Variants in OPCML observed in about 807,000 individuals in gnomAD.
The protein encoded by OPCML is opioid-binding protein/cell adhesion molecule.
Under a neutral mutation model 37.8 loss-of-function variants are expected in OPCML, and 13 were observed. That is an observed-to-expected ratio of 0.34 (90% CI 0.22 to 0.55). The LOEUF is 0.55. Ranked by LOEUF, OPCML falls within the 20% of genes least tolerant of loss-of-function variation. OPCML has a pLI of 0.91. For synonymous variants in OPCML, 176 were observed against 168.8 expected, an observed-to-expected ratio of 1.04 and a Z score of -0.33; for missense variants, 341 against 435.6, an observed-to-expected ratio of 0.78 and a Z score of 1.93.
intron 2 of OPCML, among the ~76,000 whole-genome samples, chr11:132,671,552 A>G (rs1942477004): frequency 6.6e-6 from 1 of 152,164 alleles, no homozygotes; most frequent in African/African-American, 2.4e-5. Flanking sequence ...CGAGGCAACC[A>G]AAATAACAGG....
At chr11:132,832,540 T>A (rs1192980838) in intron 2 of OPCML, among the ~76,000 whole-genome samples, 3 of 152,212 alleles carry the variant, frequency 2.0e-5, no homozygotes, top group Non-Finnish European at 4.4e-5. Flanking sequence ...TTAATCAGAT[T>A]TTCCAAAAAA....
intron 1 of OPCML, among the ~76,000 whole-genome samples, chr11:133,357,383 C>T (rs576239345): frequency 4.2e-4 from 64 of 152,292 alleles, no homozygotes; most frequent in Admixed American, 9.2e-4. Context: ...GTGGAACGTA[C>T]ATGGCACTAT....
intron 1 of OPCML, among the ~76,000 whole-genome samples, chr11:133,326,668 GGTGGGGGTGGGGGTGT>G (rs1943468306): frequency 7.5e-6 from 1 of 133,448 alleles, no homozygotes; most frequent in Non-Finnish European, 1.6e-5. Flanking sequence ...TATGTGTGTG[GGTGGGGGTGGGGGTGT>G]GAGTATGGGT....
At chr11:133,287,282 T>TTTC (rs1942327908) in intron 1 of OPCML, among the ~76,000 whole-genome samples, 2 of 147,864 alleles carry the variant, frequency 1.4e-5, no homozygotes, top group African/African-American at 4.9e-5. Flanking sequence ...TTTCTTTTTT[T>TTTC]TTTTTTTTTT....
chr11:132,442,941 C>T (rs1419004782), intron 4 of OPCML, among the ~76,000 whole-genome samples: 1 of 152,188 alleles, frequency 6.6e-6, no homozygotes, highest in Non-Finnish European at 1.5e-5. Flanking sequence ...TGACCTGTCC[C>T]TTTGTTGGTC....
At chr11:133,287,099 T>C (rs1942319856) in intron 1 of OPCML, among the ~76,000 whole-genome samples, 1 of 152,128 alleles carries the variant, frequency 6.6e-6, no homozygotes, top group Admixed American at 6.5e-5. Flanking sequence ...ACCAGAGCTT[T>C]TCTGCAGAAA....
intron 1 of OPCML, among the ~76,000 whole-genome samples, chr11:132,963,319 C>T (rs748178103): frequency 3.3e-5 from 5 of 151,938 alleles, no homozygotes; most frequent in Admixed American, 6.6e-5. Context: ...GGGCTGGGCA[C>T]GGTGGCTCAC....
chr11:132,532,977 G>T (rs2096330179), intron 3 of OPCML, among the ~76,000 whole-genome samples: 1 of 152,170 alleles, frequency 6.6e-6, no homozygotes, highest in African/African-American at 2.4e-5. Context: ...TATTTTGGCA[G>T]ATCTTTGTTT....
intron 2 of OPCML, among the ~76,000 whole-genome samples, chr11:132,764,753 C>T (rs557228055): frequency 6.6e-5 from 10 of 152,332 alleles, no homozygotes; most frequent in African/African-American, 2.2e-4. Context: ...CTCTCATTCA[C>T]TCCTCTCCAA....
intron 1 of OPCML, among the ~76,000 whole-genome samples, chr11:133,487,622 C>T (rs191468603): frequency 6.6e-6 from 1 of 152,238 alleles, no homozygotes; most frequent in African/African-American, 2.4e-5. Flanking sequence ...CACCACTCTG[C>T]ACAATGTTTA....
intron 1 of OPCML, among the ~76,000 whole-genome samples, chr11:133,499,286 G>A (rs1431654155): frequency 6.6e-6 from 1 of 152,192 alleles, no homozygotes; most frequent in Non-Finnish European, 1.5e-5. Flanking sequence ...GGGCATGAAA[G>A]CAAGTTTCCT....
At chr11:133,440,730 GA>G (rs35655846) in intron 1 of OPCML, among the ~76,000 whole-genome samples, 33,525 of 110,262 alleles carry the variant, frequency 0.3, 5,902 homozygotes, top group African/African-American at 0.55. Context: ...CCCTCTCAGG[GA>G]AAAAAAAAAA....
At chr11:133,394,672 G>A (rs374209412) in intron 1 of OPCML, among the ~76,000 whole-genome samples, 13 of 152,100 alleles carry the variant, frequency 8.5e-5, no homozygotes, top group East Asian at 3.9e-4. Flanking sequence ...GTCTTTCTGC[G>A]CCTGGCTTGT....
intron 3 of OPCML, among the ~76,000 whole-genome samples, chr11:132,562,795 A>G (rs1386044575): frequency 1.3e-5 from 2 of 152,104 alleles, no homozygotes; most frequent in Non-Finnish European, 2.9e-5. Context: ...CATAGGGCTA[A>G]TAACTTGACT....
chr11:132,540,530 A>G (rs1160865810), intron 3 of OPCML, among the ~76,000 whole-genome samples: 1 of 152,132 alleles, frequency 6.6e-6, no homozygotes, highest in Non-Finnish European at 1.5e-5. Flanking sequence ...ATTTGGTCTT[A>G]TATACTCTGA....
At chr11:132,600,819 C>T (rs1162766828) in intron 3 of OPCML, among the ~76,000 whole-genome samples, 1 of 139,442 alleles carries the variant, frequency 7.2e-6, no homozygotes, top group South Asian at 2.4e-4. Context: ...TAGTAAATAT[C>T]TGTTGATTCA....
intron 7 of OPCML, chr11:132,435,034 G>A (rs1441355451): frequency 1.0e-5 from 5 of 478,726 alleles, no homozygotes; most frequent in Non-Finnish European, 2.0e-5. Flanking sequence ...GCCCCTTGAG[G>A]TCTATCTACC....
intron 2 of OPCML, among the ~76,000 whole-genome samples, chr11:132,730,287 A>T (rs1483832185): frequency 6.6e-6 from 1 of 152,168 alleles, no homozygotes; most frequent in Non-Finnish European, 1.5e-5. Flanking sequence ...AACACAAATC[A>T]ATCCATATAC....
chr11:132,473,623 C>T (rs763051993), intron 4 of OPCML, among the ~76,000 whole-genome samples: 16 of 152,202 alleles, frequency 1.1e-4, no homozygotes, highest in South Asian at 2.1e-4. Context: ...CCTGGGAGTT[C>T]GAGACCAGCC....
Sources: allele counts gnomAD v4.1 joint callset (sites outside exome capture counted in the v4.1 genomes callset), GRCh38; gene constraint gnomAD v4.1.1; transcripts MANE v1.5; gene names NCBI Gene and HGNC (gene_info 2026-07-23, HGNC 2026-07-21).